Variants in RGL1 observed in about 807,000 individuals in gnomAD.
The protein encoded by RGL1 is ral guanine nucleotide dissociation stimulator-like 1.
A neutral mutation model predicts 95.2 loss-of-function variants in RGL1; 24 were observed. The ratio of observed to expected loss-of-function variants is 0.25; its 90% confidence interval spans 0.18 to 0.35. RGL1 has a LOEUF of 0.35. RGL1 is among the 10% of genes least tolerant of loss of function. The pLI, the probability that RGL1 is intolerant of heterozygous loss-of-function variation, is 1.00. For synonymous variants in RGL1, 329 were observed against 344.9 expected (o/e 0.95, Z 0.51); for missense variants, 715 against 936.3 (o/e 0.76, Z 3.08).
At chr1:183,718,619 GT>G (rs887861311) in intron 1 of RGL1, among the ~76,000 whole-genome samples, 11 of 152,072 alleles carry the variant, frequency 7.2e-5, no homozygotes, top group African/African-American at 2.7e-4. Context: ...TGAAGAGTCA[GT>G]TCTGTGAGCA....
intron 1 of RGL1, among the ~76,000 whole-genome samples, chr1:183,706,853 C>T (rs537934089): frequency 2.0e-5 from 3 of 152,330 alleles, no homozygotes; most frequent in East Asian, 3.9e-4. Flanking sequence ...TGAAGGCTGT[C>T]GTCAAGCTTC....
In RGL1 at chr1:183,866,086, T is replaced by C; in HGVS notation, c.425+13T>C. 1 of 1,589,588 alleles carries C rather than the reference T, an allele frequency of 6.3e-7. No individual in the cohort carries two copies. Among genetic ancestry groups the C allele is most frequent in the African/African-American group, 1.3e-5 (1 of 74,532 alleles). ...TGGTGATCAGGAAGTGAGTCTCCCT[T>C]TTCTTTGCATTCTAAGCTCTCAGTC... On this transcript the variant is annotated intron_variant, in intron 4 of 17. Coordinates refer to ENST00000360851, the MANE Select transcript of RGL1 (RefSeq NM_001297671.3).
chr1:183,720,328 C>A (rs1369813130), intron 1 of RGL1, among the ~76,000 whole-genome samples: 1 of 152,236 alleles, frequency 6.6e-6, no homozygotes, highest in East Asian at 1.9e-4. Context: ...AACGGCCAAT[C>A]CTTTGCCTCT....
chr1:183,917,740 G>A (rs1383575959), intron 16 of RGL1, among the ~76,000 whole-genome samples: 2 of 152,222 alleles, frequency 1.3e-5, no homozygotes, highest in South Asian at 2.1e-4. Context: ...TATTCACAAT[G>A]TGCAAAATAA....
chr1:183,722,893 A>G (rs1247006316), intron 1 of RGL1, among the ~76,000 whole-genome samples: 1 of 152,214 alleles, frequency 6.6e-6, no homozygotes, highest in African/African-American at 2.4e-5. Context: ...AGAGCTCTGA[A>G]AGTGATAAAT....
chr1:183,879,152 C>T (rs1433410357), intron 4 of RGL1, among the ~76,000 whole-genome samples: 2 of 152,148 alleles, frequency 1.3e-5, no homozygotes, highest in South Asian at 2.1e-4. Flanking sequence ...ACTTTAGATG[C>T]AGATAATTGA....
rs185635443 is a variant in RGL1, at chr1:183,836,455, G to A, written c.139-11111G>A. Among the ~76,000 whole-genome samples, 5 of 151,618 alleles carry A rather than the reference G, an allele frequency of 3.3e-5. No individual in the cohort carries two copies. The East Asian group carries it at 7.8e-4, about 24-fold the overall frequency. On this transcript the variant is annotated intron_variant, in intron 2 of 17. Coordinates refer to ENST00000360851, the MANE Select transcript of RGL1 (RefSeq NM_001297671.3). ...TGTATTTTTTTGTATTTTTAGTAGA[G>A]ATGGGGTTTCTCCATGTTGGCCAGG...
chr1:183,811,326 T>C (rs1415133879), intron 2 of RGL1, among the ~76,000 whole-genome samples: 2 of 152,212 alleles, frequency 1.3e-5, no homozygotes, highest in African/African-American at 2.4e-5. Context: ...TTAAAAAGCA[T>C]TGGCTAGCAT....
At chr1:183,671,167 C>T (rs1272276988) in intron 1 of RGL1, among the ~76,000 whole-genome samples, 2 of 152,148 alleles carry the variant, frequency 1.3e-5, no homozygotes, top group African/African-American at 2.4e-5. Flanking sequence ...GGCAAAACTG[C>T]CCCCATGATT....
intron 1 of RGL1, among the ~76,000 whole-genome samples, chr1:183,719,644 G>A (rs1256784157): frequency 6.6e-6 from 1 of 152,218 alleles, no homozygotes; most frequent in African/African-American, 2.4e-5. Context: ...AGTGGCTCCT[G>A]CCTACAATCC....
In RGL1 at chr1:183,742,324, G is replaced by A. The variant is rs377000231; in HGVS notation, c.132+35G>A. The A allele has an allele frequency of 2.5e-6, 4 of 1,612,914 alleles. No homozygotes were observed. In the African/African-American group the frequency reaches 5.3e-5, roughly 22 times the overall value. ...CTCTAAATGACACAGTTGGTGAAAT[G>A]TTGGATTTGTTTATACCTGAGACCA... On this transcript the variant is annotated intron_variant, in intron 2 of 18. Transcript: ENST00000304685.
chr1:183,682,000 G>T (rs1653250579), intron 1 of RGL1, among the ~76,000 whole-genome samples: 1 of 152,174 alleles, frequency 6.6e-6, no homozygotes, highest in African/African-American at 2.4e-5. Flanking sequence ...ATTTCTGTGA[G>T]ATCAGTGGTG....
intron 2 of RGL1, among the ~76,000 whole-genome samples, chr1:183,751,636 A>G (rs1037616902): frequency 6.6e-6 from 1 of 152,122 alleles, no homozygotes; most frequent in Non-Finnish European, 1.5e-5. Context: ...GTCTGCCCAA[A>G]TGGCTGCCCA....
At chr1:183,855,709 C>T (rs919176738) in intron 3 of RGL1, among the ~76,000 whole-genome samples, 1 of 152,166 alleles carries the variant, frequency 6.6e-6, no homozygotes, top group Non-Finnish European at 1.5e-5. Context: ...TCTAGGGTCA[C>T]CAGCATCTAG....
chr1:183,893,737 C>T (rs1667546913), intron 9 of RGL1, among the ~76,000 whole-genome samples: 1 of 152,186 alleles, frequency 6.6e-6, no homozygotes, highest in African/African-American at 2.4e-5. Flanking sequence ...GAGAAGCTGT[C>T]ATTTCTCTGT....
chr1:183,768,153 GA>G (rs201336711), intron 2 of RGL1, among the ~76,000 whole-genome samples: 100 of 141,190 alleles, frequency 7.1e-4, no homozygotes, highest in East Asian at 1.6e-3. Context: ...CAGAGAAACA[GA>G]AAAAAAAAAA....
intron 3 of RGL1, among the ~76,000 whole-genome samples, chr1:183,863,305 C>A (rs938105163): frequency 6.6e-6 from 1 of 151,446 alleles, no homozygotes; most frequent in African/African-American, 2.4e-5. Flanking sequence ...TTTCTTTTTT[C>A]TTCTTCTTCT....
At chr1:183,837,055 G>A (rs1299966399) in intron 2 of RGL1, among the ~76,000 whole-genome samples, 1 of 152,118 alleles carries the variant, frequency 6.6e-6, no homozygotes, top group African/African-American at 2.4e-5. Context: ...TGTGGTATAC[G>A]GAGTAAGAAT....
chr1:183,850,820 T>C (rs1664785372), intron 3 of RGL1, among the ~76,000 whole-genome samples: 1 of 152,224 alleles, frequency 6.6e-6, no homozygotes, highest in African/African-American at 2.4e-5. Context: ...GCAGTATGAA[T>C]TGACTGTTCA....
Sources: allele counts gnomAD v4.1 joint callset (sites outside exome capture counted in the v4.1 genomes callset), GRCh38; gene constraint gnomAD v4.1.1; transcripts MANE v1.5; gene names NCBI Gene and HGNC (gene_info 2026-07-23, HGNC 2026-07-21).